SCNN1B: variants seen among roughly 807,000 people sequenced by gnomAD.
SCNN1B encodes the protein epithelial sodium channel subunit beta.
A neutral mutation model predicts 65.3 loss-of-function variants in SCNN1B; 46 were observed. The observed-to-expected ratio is 0.70, with a 90% CI of 0.56 to 0.90. SCNN1B has a LOEUF of 0.90. SCNN1B is among the 40% of genes least tolerant of loss of function. The probability of loss-of-function intolerance (pLI) is 0.00; values close to 1 mark genes in which losing one functional copy is unlikely to be tolerated. For missense variants in SCNN1B, 751 were observed against 830.5 expected (o/e 0.90, Z 1.18); for synonymous variants, 349 against 330.6 (o/e 1.06, Z -0.60).
At chr16:23,311,126 A>G (rs2141985298) in intron 1 of SCNN1B, among the ~76,000 whole-genome samples, 1 of 152,374 alleles carries the variant, frequency 6.6e-6, no homozygotes, top group East Asian at 1.9e-4. Context: ...TTTCACCCGC[A>G]GGAATTGACC....
At chr16:23,329,077 G>GTTGGGAACCACT (rs1555485765) in intron 1 of SCNN1B, among the ~76,000 whole-genome samples, 6 of 148,984 alleles carry the variant, frequency 4.0e-5, no homozygotes, top group South Asian at 2.1e-4. Flanking sequence ...TGGGATTACA[G>GTTGGGAACCACT]GCATGAGCCA....
At chr16:23,365,300 G>GAAAGAGAGAA (rs979717748) in intron 4 of SCNN1B, among the ~76,000 whole-genome samples, 3 of 148,860 alleles carry the variant, frequency 2.0e-5, no homozygotes, top group Admixed American at 6.8e-5. Flanking sequence ...AAGAAAGAGA[G>GAAAGAGAGAA]AAAGAGAGAA....
intron 1 of SCNN1B, among the ~76,000 whole-genome samples, chr16:23,305,563 TA>T (rs1262564147): frequency 7.5e-5 from 4 of 53,254 alleles, no homozygotes; most frequent in Admixed American, 4.6e-4. Flanking sequence ...TATATATATA[TA>T]TATATATATA....
At chr16:23,351,368 T>C (rs1466527876) in intron 2 of SCNN1B, among the ~76,000 whole-genome samples, 1 of 152,178 alleles carries the variant, frequency 6.6e-6, no homozygotes, top group Non-Finnish European at 1.5e-5. Flanking sequence ...GCCCAAGATA[T>C]TAAGTGGCAT....
chr16:23,312,161 G>C (rs114972951), intron 1 of SCNN1B, among the ~76,000 whole-genome samples: 3,370 of 152,142 alleles, frequency 0.022, 81 homozygotes, highest in African/African-American at 0.055. Context: ...TTGTAGACAG[G>C]GTCTCACTAT....
intron 1 of SCNN1B, among the ~76,000 whole-genome samples, chr16:23,336,074 A>T (rs1255319095): frequency 1.3e-5 from 2 of 152,154 alleles, no homozygotes; most frequent in East Asian, 3.9e-4. Flanking sequence ...GCAAGATGTC[A>T]GGTGCCCCGT....
chr16:23,326,166 A>G (rs1014599810), intron 1 of SCNN1B, among the ~76,000 whole-genome samples: 1 of 151,858 alleles, frequency 6.6e-6, no homozygotes, highest in Non-Finnish European at 1.5e-5. Flanking sequence ...TTGCCTAACA[A>G]TAGATTTTTT....
intron 1 of SCNN1B, among the ~76,000 whole-genome samples, chr16:23,317,062 A>T (rs1961487921): frequency 6.6e-6 from 1 of 152,264 alleles, no homozygotes; most frequent in Admixed American, 6.5e-5. Flanking sequence ...TCCTAGAAAG[A>T]TGGCTAAGAA....
intron 7 of SCNN1B, among the ~76,000 whole-genome samples, chr16:23,374,823 A>G (rs536837034): frequency 1.3e-5 from 2 of 151,498 alleles, no homozygotes; most frequent in South Asian, 2.1e-4. Context: ...AGAGGTAGGG[A>G]GGAGCTGGCC....
At chr16:23,365,587 G>GAAAGAGAA (rs373917735) in intron 4 of SCNN1B, among the ~76,000 whole-genome samples, 127 of 86,980 alleles carry the variant, frequency 1.5e-3, no homozygotes, top group Admixed American at 3.4e-3. Flanking sequence ...AAGAAAGAAA[G>GAAAGAGAA]AGAAAGAAAG....
chr16:23,313,674 C>T (rs910770865), intron 1 of SCNN1B, among the ~76,000 whole-genome samples: 12 of 152,190 alleles, frequency 7.9e-5, no homozygotes, highest in East Asian at 3.8e-4. Context: ...TGCAGTGGCA[C>T]GATCTCGGCT....
intron 2 of SCNN1B, among the ~76,000 whole-genome samples, chr16:23,349,366 G>T (rs1962260005): frequency 6.6e-6 from 1 of 152,116 alleles, no homozygotes. Flanking sequence ...ACATGTCTGT[G>T]GTCTGAGCTG....
At chr16:23,350,869 C>T (rs1455865029) in intron 2 of SCNN1B, among the ~76,000 whole-genome samples, 3 of 151,798 alleles carry the variant, frequency 2.0e-5, no homozygotes, top group East Asian at 1.9e-4. Context: ...GCCGAGATCT[C>T]GCCACTGCAC....
chr16:23,333,137 G>GGGAGGGAGGAAGGAAA (rs1567300488), intron 1 of SCNN1B, among the ~76,000 whole-genome samples: 1 of 107,944 alleles, frequency 9.3e-6, no homozygotes, highest in Non-Finnish European at 1.9e-5. Flanking sequence ...GAGGGAGGGA[G>GGGAGGGAGGAAGGAAA]GAAGGAAGGA....
chr16:23,298,312 G>A (rs1237357201), upstream of SCNN1B, among the ~76,000 whole-genome samples: 1 of 152,198 alleles, frequency 6.6e-6, no homozygotes, highest in Non-Finnish European at 1.5e-5. Flanking sequence ...CCAGCTAGCT[G>A]GTGGTGGAAG....
intron 4 of SCNN1B, among the ~76,000 whole-genome samples, chr16:23,364,436 A>T (rs866994390): frequency 6.6e-6 from 1 of 152,148 alleles, no homozygotes. Context: ...GTGTCGCTGG[A>T]GTGTAGGGAA....
At chr16:23,338,915 G>C (rs1387123475) in intron 1 of SCNN1B, among the ~76,000 whole-genome samples, 3 of 152,194 alleles carry the variant, frequency 2.0e-5, no homozygotes, top group Non-Finnish European at 2.9e-5. Flanking sequence ...TCCATTTGAA[G>C]CATATTGTTT....
intron 10 of SCNN1B, among the ~76,000 whole-genome samples, chr16:23,378,308 C>T (rs186794336): frequency 1.2e-4 from 19 of 152,350 alleles, no homozygotes; most frequent in Non-Finnish European, 2.4e-4. Flanking sequence ...CCATGCCCAG[C>T]TTCTGGGAAA....
intron 1 of SCNN1B, among the ~76,000 whole-genome samples, chr16:23,308,807 A>AT (rs560483298): frequency 9.1e-4 from 138 of 152,040 alleles, no homozygotes; most frequent in Non-Finnish European, 1.7e-3. Flanking sequence ...TAATTCTTGT[A>AT]TTTTTTGTAG....
Sources: allele counts gnomAD v4.1 joint callset (sites outside exome capture counted in the v4.1 genomes callset), GRCh38; gene constraint gnomAD v4.1.1; transcripts MANE v1.5; gene names NCBI Gene and HGNC (gene_info 2026-07-23, HGNC 2026-07-21).